Variants in PDE8B observed in about 807,000 individuals in gnomAD.
The protein encoded by PDE8B is high affinity cAMP-specific and IBMX-insensitive 3',5'-cyclic phosphodiesterase 8B.
In PDE8B, 26 loss-of-function variants were observed where a neutral mutation model predicts 101.3. The ratio of observed to expected loss-of-function variants is 0.26; its 90% CI spans 0.19 to 0.36. PDE8B has a LOEUF of 0.36. PDE8B is among the 10% of genes least tolerant of loss of function. PDE8B has a pLI of 1.00. For synonymous variants in PDE8B, 424 were observed against 429.3 expected, an observed-to-expected ratio of 0.99 and a Z score of 0.15; for missense variants, 810 against 1,163.1, an observed-to-expected ratio of 0.70 and a Z score of 4.42.
chr5:77,304,278 A>G (rs1770662541), intron 1 of PDE8B, among the ~76,000 whole-genome samples: 1 of 152,174 alleles, frequency 6.6e-6, no homozygotes, highest in Non-Finnish European at 1.5e-5. Context: ...TAAAATTTTT[A>G]TCTTCCTGAT....
At chr5:77,137,089 C>A in the PDE8B span, among the ~76,000 whole-genome samples, 1 of 152,170 alleles carries the variant, frequency 6.6e-6, no homozygotes, top group Non-Finnish European at 1.5e-5. Flanking sequence ...TCCGCTAAGG[C>A]CAGAGTCCTC....
upstream of PDE8B, chr5:77,210,596 G>A (rs906643069): frequency 2.0e-6 from 2 of 978,784 alleles, no homozygotes; most frequent in African/African-American, 3.5e-5. This position sits in a 1 kb window ranked among gnomAD's most constrained non-coding sequence, Gnocchi z 4.9. Context: ...CGCGCCGAGG[G>A]AGGAGGGGAA....
At chr5:77,109,021 G>C in the PDE8B span, among the ~76,000 whole-genome samples, 1 of 152,222 alleles carries the variant, frequency 6.6e-6, no homozygotes, top group Middle Eastern at 3.2e-3. Flanking sequence ...AAGTCAGATA[G>C]AGTGGGGTTT....
upstream of PDE8B, among the ~76,000 whole-genome samples, chr5:77,206,519 C>T (rs1478627877): frequency 6.6e-6 from 1 of 152,138 alleles, no homozygotes; most frequent in East Asian, 1.9e-4. Context: ...CTTGCAAGTA[C>T]TGATGAAGCT....
At chr5:77,278,766 C>A (rs1264305830) in intron 1 of PDE8B, among the ~76,000 whole-genome samples, 1 of 152,100 alleles carries the variant, frequency 6.6e-6, no homozygotes, top group Non-Finnish European at 1.5e-5. Flanking sequence ...AAGAGAGATA[C>A]CTTTTTTCAA....
At chr5:77,311,087 C>T (rs570524212) in intron 1 of PDE8B, among the ~76,000 whole-genome samples, 1 of 152,100 alleles carries the variant, frequency 6.6e-6, no homozygotes, top group Non-Finnish European at 1.5e-5. Flanking sequence ...TGACAAGGGG[C>T]CAGTACAGAG....
the PDE8B span, among the ~76,000 whole-genome samples, chr5:77,168,429 C>T: frequency 1.1e-4 from 17 of 152,196 alleles, no homozygotes; most frequent in African/African-American, 1.9e-4. Flanking sequence ...GCACCAGGAG[C>T]GTGGTTCCAG....
At chr5:77,126,661 C>T in the PDE8B span, among the ~76,000 whole-genome samples, 1 of 152,156 alleles carries the variant, frequency 6.6e-6, no homozygotes, top group African/African-American at 2.4e-5. Context: ...TCGAGCAATC[C>T]TATCTGCCTT....
At chr5:77,106,530 T>A in the PDE8B span, among the ~76,000 whole-genome samples, 1 of 152,240 alleles carries the variant, frequency 6.6e-6, no homozygotes, top group Non-Finnish European at 1.5e-5. Flanking sequence ...CATTATCAGA[T>A]CTTGATTGCT....
chr5:77,191,543 C>T, the PDE8B span, among the ~76,000 whole-genome samples: 5 of 151,930 alleles, frequency 3.3e-5, no homozygotes, highest in Non-Finnish European at 5.9e-5. Flanking sequence ...TTAGTAGAGA[C>T]GGGGTTTCAC....
chr5:77,153,193 C>A, the PDE8B span, among the ~76,000 whole-genome samples: 3 of 152,000 alleles, frequency 2.0e-5, no homozygotes, highest in South Asian at 4.2e-4. Flanking sequence ...GGTGGAGAAA[C>A]CCTGACTTAA....
At chr5:77,366,880 G>A (rs1200328979) in intron 10 of PDE8B, among the ~76,000 whole-genome samples, 1 of 152,078 alleles carries the variant, frequency 6.6e-6, no homozygotes, top group Non-Finnish European at 1.5e-5. Context: ...GCAGCCCCCC[G>A]GTGGCCATCA....
At chr5:77,338,168 T>G (rs1581122955) in intron 6 of PDE8B, among the ~76,000 whole-genome samples, 3 of 152,346 alleles carry the variant, frequency 2.0e-5, no homozygotes, top group African/African-American at 7.2e-5. Flanking sequence ...TCATGCATAG[T>G]TTGAGGCTCA....
At chr5:77,247,737 C>G (rs1260916605) in intron 1 of PDE8B, among the ~76,000 whole-genome samples, 3 of 152,074 alleles carry the variant, frequency 2.0e-5, no homozygotes, top group Admixed American at 1.3e-4. Context: ...GTTCCTTCCC[C>G]CTCCCTGAGG....
intron 1 of PDE8B, among the ~76,000 whole-genome samples, chr5:77,292,522 A>G (rs1360180689): frequency 6.6e-6 from 1 of 152,166 alleles, no homozygotes; most frequent in African/African-American, 2.4e-5. Context: ...ATGGCCCCAG[A>G]CCCTCATCAT....
At chr5:77,409,215 T>C (rs1794073918) in intron 14 of PDE8B, among the ~76,000 whole-genome samples, 158 bp downstream of exon 14, 1 of 152,224 alleles carries the variant, frequency 6.6e-6, no homozygotes, top group Non-Finnish European at 1.5e-5. Context: ...ATGTATAACA[T>C]GTGCAGTGGT....
At chr5:77,411,584 A>G in intron 14 of PDE8B, 92 bp from the exon 15 acceptor site, 1 of 1,047,824 alleles carries the variant, frequency 9.5e-7, no homozygotes, top group Non-Finnish European at 1.5e-6. Flanking sequence ...TGGGTTATTC[A>G]GGATTCAAAT....
Position 77,238,696 on chromosome 5 carries a change from C to T in PDE8B, c.339+27432C>T, listed in dbSNP as rs540276764. ...ATTCTCATGATCTGACATCTGCAAC[C>T]TGGAGGCCTGAGAAATCTGGCAGTG... On this transcript the variant is annotated intron_variant, in intron 1 of 21. Transcript: ENST00000264917. Among the ~76,000 whole-genome samples the T allele has an allele frequency of 2.0e-5, 3 of 151,152 alleles. No homozygotes were observed. In the South Asian group the frequency reaches 6.2e-4, roughly 31 times the overall value.
At chr5:77,122,119 A>T in the PDE8B span, among the ~76,000 whole-genome samples, 2 of 152,160 alleles carry the variant, frequency 1.3e-5, no homozygotes, top group African/African-American at 2.4e-5. Context: ...TATTTGGCTG[A>T]TGTAGGTTGC....
Sources: allele counts gnomAD v4.1 joint callset (sites outside exome capture counted in the v4.1 genomes callset), GRCh38; gene constraint gnomAD v4.1.1; non-coding constraint Gnocchi (gnomAD v3.1); transcripts MANE v1.5; gene names NCBI Gene and HGNC (gene_info 2026-07-23, HGNC 2026-07-21).